UBLCP1: variants seen among roughly 807,000 people sequenced by gnomAD.
The protein encoded by UBLCP1 is ubiquitin-like domain-containing CTD phosphatase 1.
In UBLCP1, 28 loss-of-function variants were observed where a neutral mutation model predicts 42.4. The observed-to-expected ratio is 0.66, with a 90% CI of 0.49 to 0.90. The LOEUF (loss-of-function observed/expected upper bound fraction) is 0.90, where lower values mean the gene tolerates loss of function less well. UBLCP1 is among the 40% of genes least tolerant of loss of function. The pLI, the probability that UBLCP1 is intolerant of heterozygous loss-of-function variation, is 0.00. For missense variants in UBLCP1, 279 were observed against 374.5 expected, an observed-to-expected ratio of 0.75 and a Z score of 2.10; for synonymous variants, 122 against 120.8, an observed-to-expected ratio of 1.01 and a Z score of -0.07.
rs779266240 is a variant in UBLCP1 at position 159,270,539 on chromosome 5, T to A, written c.344T>A (p.Leu115Gln). The A allele has an allele frequency of 6.8e-6, 11 of 1,609,338 alleles. No homozygotes were observed. The South Asian group carries it at 1.1e-4, about 16-fold the overall frequency. The change falls in exon 5 of 11, where the codon CTA becomes CAA. Residue 115 changes from leucine (L) to glutamine (Q), a missense_variant. By Grantham distance (113) the Leu-to-Gln change is moderately radical. Transcript: ENST00000296786. ...ATGTTTTCCATTAGGGAAGAAAACC[T>A]ACTGAAAATTTCTCGCAGAGTGAAA... ...VVEVENREENLLKISRRVKEY... is the reference protein window; with the variant it reads ...VVEVENREENQLKISRRVKEY...
At chr5:159,264,126 C>T (rs905909005) in intron 1 of UBLCP1, among the ~76,000 whole-genome samples, 25 of 152,302 alleles carry the variant, frequency 1.6e-4, no homozygotes, top group African/African-American at 5.3e-4. Flanking sequence ...TATTAGTAGC[C>T]TCATCTTGTT....
At chr5:159,281,004 C>G (rs980342762) in intron 9 of UBLCP1, among the ~76,000 whole-genome samples, 4 of 152,142 alleles carry the variant, frequency 2.6e-5, no homozygotes, top group Non-Finnish European at 1.5e-5. Context: ...TCACTTAGAT[C>G]AGTTTTTAAA....
At chr5:159,275,020 G>A (rs1201566823) in intron 7 of UBLCP1, 128 bp from the exon 8 acceptor site, 2 of 746,362 alleles carry the variant, frequency 2.7e-6, no homozygotes, top group African/African-American at 3.5e-5. Context: ...CTTCCTAGTT[G>A]TTTAGCAAGA....
Position 159,278,864 on chromosome 5 carries a change from G to A in UBLCP1, c.801+510G>A, listed in dbSNP as rs145175360. ...TGGGATTACAGGCATGAGCCACTGC[G>A]CCCGGCCCAAGTGTTTTATTTTTAA... is the stretch of plus-strand genomic sequence containing the variant. On this transcript the variant is annotated intron_variant, in intron 9 of 10. Coordinates refer to ENST00000296786, the MANE Select transcript of UBLCP1 (RefSeq NM_145049.5). Among the ~76,000 whole-genome samples, 311 of 152,114 alleles carry A rather than the reference G, an allele frequency of 2.0e-3. 1 individual carries two copies. The highest frequency in any genetic ancestry group is 7.0e-3 in the African/African-American group (289 of 41,504).
chr5:159,267,970 C>A (rs1753418643), intron 1 of UBLCP1, among the ~76,000 whole-genome samples: 1 of 152,116 alleles, frequency 6.6e-6, no homozygotes, highest in African/African-American at 2.4e-5. Context: ...ATCTTTGATG[C>A]CTTAACTCTT....
chr5:159,284,864 G>T, intron 10 of UBLCP1, 40 bp from the exon 11 acceptor site: 1 of 1,609,070 alleles, frequency 6.2e-7, no homozygotes, highest in Non-Finnish European at 8.5e-7. Context: ...CATGAATTTA[G>T]CATGATACAG....
In UBLCP1 at chr5:159,270,731, C is replaced by T. The variant is rs1235981973; in HGVS notation, c.448+88C>T. On this transcript the variant is annotated intron_variant, in intron 5 of 10. Transcript: ENST00000296786. The stretch of plus-strand genomic sequence containing the variant: ...TTGTTTTTTTTTTTTCTTAGCAACT[C>T]ATGGTTCTCGTGAAATACTTGAAAA... 9.9e-5 allele frequency: 80 copies of T among 806,638 alleles called. 1 individual carries two copies. Among genetic ancestry groups the T allele is most frequent in the Non-Finnish European group, 1.4e-4 (79 of 547,038 alleles). 50.0% of individuals were successfully genotyped at this position (806,638 alleles called of 1,614,324 possible). A position where few individuals can be genotyped will look rare whatever the true frequency, so the allele number is the denominator to read the frequency against.
chr5:159,263,733 C>A (rs1210063022), intron 1 of UBLCP1, among the ~76,000 whole-genome samples: 1 of 152,208 alleles, frequency 6.6e-6, no homozygotes, highest in African/African-American at 2.4e-5. Flanking sequence ...TTAGCACAGC[C>A]CCCGACCCTG....
intron 9 of UBLCP1, among the ~76,000 whole-genome samples, chr5:159,280,693 C>T (rs1372033242): frequency 1.3e-5 from 2 of 152,114 alleles, no homozygotes; most frequent in African/African-American, 4.8e-5. Flanking sequence ...TCAAAGATTT[C>T]ATGTAGATCT....
chr5:159,280,293 A>G (rs748480016), intron 9 of UBLCP1, among the ~76,000 whole-genome samples: 3 of 152,180 alleles, frequency 2.0e-5, no homozygotes, highest in Admixed American at 6.5e-5. Flanking sequence ...AGATCTGCCC[A>G]CGTCGGCATA....
chr5:159,276,417 G>T (rs1445877932), intron 8 of UBLCP1, among the ~76,000 whole-genome samples: 1 of 152,146 alleles, frequency 6.6e-6, no homozygotes, highest in African/African-American at 2.4e-5. Context: ...AGGGCATGGG[G>T]ACTTGTTCTA....
chr5:159,272,410 A>AT (rs879932057), intron 6 of UBLCP1, among the ~76,000 whole-genome samples: 238 of 143,730 alleles, frequency 1.7e-3, no homozygotes, highest in Middle Eastern at 3.6e-3. Context: ...TTTCCTTCTG[A>AT]TTTTTTTTTT....
intron 1 of UBLCP1, among the ~76,000 whole-genome samples, chr5:159,268,103 T>A (rs1188188112): frequency 1.3e-5 from 2 of 152,220 alleles, no homozygotes; most frequent in African/African-American, 4.8e-5. Flanking sequence ...AACTCCTGTT[T>A]CCTTAATTGT....
At chr5:159,267,462 T>G (rs1441092686) in intron 1 of UBLCP1, among the ~76,000 whole-genome samples, 1 of 152,232 alleles carries the variant, frequency 6.6e-6, no homozygotes, top group Non-Finnish European at 1.5e-5. Context: ...AGAAAGGACT[T>G]AACTTGTCTT....
At chr5:159,280,022 T>C (rs1218604720) in intron 9 of UBLCP1, among the ~76,000 whole-genome samples, 1 of 152,198 alleles carries the variant, frequency 6.6e-6, no homozygotes, top group Non-Finnish European at 1.5e-5. Context: ...GAGATGTTAT[T>C]GTAAATGTCT....
chr5:159,275,907 TTGAAAC>T (rs1222588936), intron 8 of UBLCP1, among the ~76,000 whole-genome samples: 1 of 152,114 alleles, frequency 6.6e-6, no homozygotes, highest in East Asian at 1.9e-4. Context: ...CCTGCCCTGT[TTGAAAC>T]TGGTAATAAA....
At chr5:159,269,844 TA>T in intron 2 of UBLCP1, 63 bp from the exon 3 acceptor site, 2 of 1,302,752 alleles carry the variant, frequency 1.5e-6, no homozygotes, top group Non-Finnish European at 2.2e-6. Flanking sequence ...GGGTTTTATA[TA>T]ATGGAATAGT....
Position 159,270,380 on chromosome 5 carries a change from C to G in UBLCP1, c.267C>G (p.Pro89=). 6.2e-7 allele frequency: 1 copy of G among 1,613,238 alleles called. No individual in the cohort carries two copies. The highest frequency in any genetic ancestry group is 8.5e-7 in the Non-Finnish European group (1 of 1,179,610). ...EESLEDVLGP[P]PDNDDVVNDF... is the part of the protein sequence containing the mutation. ...AATAGGAAGATGTCTTAGGTCCACC[C>G]CCTGACAATGATGATGTTGTTAATG... The change falls in exon 4 of 11, where the codon CCC becomes CCG. Residue 89 remains proline (P), a synonymous_variant. Transcript: ENST00000296786.
At chr5:159,265,043 G>T (rs1440573073) in intron 1 of UBLCP1, among the ~76,000 whole-genome samples, 1 of 152,160 alleles carries the variant, frequency 6.6e-6, no homozygotes, top group Admixed American at 6.5e-5. Context: ...ATTTGTTATA[G>T]TTCTGTCTAA....
Sources: gnomAD v4.1 joint callset for allele counts (sites outside exome capture counted in the v4.1 genomes callset) on GRCh38, gnomAD v4.1.1 for gene constraint, MANE v1.5 for transcripts, NCBI Gene and HGNC (gene_info 2026-07-23, HGNC 2026-07-21) for gene names.